Variants in HDAC9 observed in about 807,000 individuals in gnomAD.
HDAC9 encodes the protein MEF-2 interacting transcription repressor (MITR) protein.
Under a neutral mutation model 139.4 loss-of-function variants are expected in HDAC9, and 41 were observed. The ratio of observed to expected loss-of-function variants is 0.29; its 90% CI spans 0.23 to 0.38. The LOEUF is 0.38. Among genes scored for constraint, HDAC9 ranks in the 10% least tolerant of loss-of-function variants. The pLI, the probability that HDAC9 is intolerant of heterozygous loss-of-function variation, is 1.00. For synonymous variants in HDAC9, 517 were observed against 476.2 expected (o/e 1.09, Z -1.12); for missense variants, 1,147 against 1,297.0 (o/e 0.88, Z 1.78).
chr7:18,889,834 A>G (rs773108702), intron 22 of HDAC9, among the ~76,000 whole-genome samples: 94 of 152,196 alleles, frequency 6.2e-4, no homozygotes, highest in Non-Finnish European at 1.0e-3. Flanking sequence ...CATAGCTAGC[A>G]CTACCGGCCT....
chr7:18,422,157 A>T (rs577845602), intron 1 of HDAC9, among the ~76,000 whole-genome samples: 41 of 152,352 alleles, frequency 2.7e-4, no homozygotes, highest in Non-Finnish European at 5.6e-4. Flanking sequence ...CTCCAAGCAC[A>T]CTAAAGACTT....
intron 1 of HDAC9, among the ~76,000 whole-genome samples, chr7:18,120,626 AG>A (rs933560744): frequency 6.6e-6 from 1 of 152,072 alleles, no homozygotes; most frequent in African/African-American, 2.4e-5. Flanking sequence ...GAGAAAAGAC[AG>A]GGGGTTTGGA....
At chr7:18,372,710 C>G (rs1481700809) in intron 1 of HDAC9, among the ~76,000 whole-genome samples, 3 of 152,116 alleles carry the variant, frequency 2.0e-5, no homozygotes, top group Non-Finnish European at 4.4e-5. Flanking sequence ...TGTGATCTAC[C>G]AGGGTTGACA....
chr7:18,919,648 A>G lies in HDAC9; in HGVS notation c.2804-16161A>G, dbSNP rs553299292. 9.9e-5 allele frequency among the ~76,000 whole-genome samples: 15 copies of G among 152,144 alleles called. No homozygotes were observed. The South Asian group carries it at 2.9e-3, about 29-fold the overall frequency. On this transcript the variant is annotated intron_variant, in intron 22 of 25. Transcript: ENST00000686413. The stretch of plus-strand genomic sequence containing the variant: ...TTGAAAGGGAGGTGGGAGGCAGGGG[A>G]GAAGCAAAAGACCAGGATGAAATTC...
chr7:18,575,143 CT>C, intron 2 of HDAC9, among the ~76,000 whole-genome samples: 1 of 152,294 alleles, frequency 6.6e-6, no homozygotes, highest in African/African-American at 2.4e-5. Context: ...TCTTAATTTA[CT>C]TTTCCTGAAA....
chr7:18,995,914 C>G (rs1246062883), intron 25 of HDAC9, 109 bp from the exon 26 acceptor site: 3 of 756,692 alleles, frequency 4.0e-6, no homozygotes, highest in South Asian at 3.3e-5. Context: ...CTGAATAACA[C>G]AAATAAACAT....
At chr7:18,586,503 T>C (rs1012065098) in intron 3 of HDAC9, among the ~76,000 whole-genome samples, 1 of 152,156 alleles carries the variant, frequency 6.6e-6, no homozygotes, top group Non-Finnish European at 1.5e-5. Context: ...CTTTATTACT[T>C]GCATATCAAG....
At chr7:18,134,387 T>C (rs1008984207) in intron 1 of HDAC9, among the ~76,000 whole-genome samples, 3 of 152,178 alleles carry the variant, frequency 2.0e-5, no homozygotes, top group African/African-American at 7.2e-5. Flanking sequence ...AATTCCTCTA[T>C]AACTCTGATA....
chr7:18,546,318 C>T (rs979536167), intron 2 of HDAC9, among the ~76,000 whole-genome samples: 2 of 152,034 alleles, frequency 1.3e-5, no homozygotes, highest in African/African-American at 4.8e-5. Context: ...ATATATAGTC[C>T]CATGCATCTC....
intron 21 of HDAC9, among the ~76,000 whole-genome samples, chr7:18,840,080 A>G (rs1420687469): frequency 1.3e-5 from 2 of 152,092 alleles, no homozygotes; most frequent in Non-Finnish European, 2.9e-5. Context: ...CAAATGAGTG[A>G]ATGGAGGACA....
intron 1 of HDAC9, among the ~76,000 whole-genome samples, chr7:18,375,525 A>G (rs1340695937): frequency 6.6e-6 from 1 of 152,160 alleles, no homozygotes; most frequent in Non-Finnish European, 1.5e-5. Flanking sequence ...TGCGGTTGGT[A>G]TATGGTAGGC....
chr7:18,581,411 T>C (rs530887765), intron 2 of HDAC9, among the ~76,000 whole-genome samples: 1 of 152,250 alleles, frequency 6.6e-6, no homozygotes, highest in African/African-American at 2.4e-5. Context: ...TCATTTCTGT[T>C]GGGATAGCAG....
At chr7:18,605,350 C>T (rs547144653) in intron 6 of HDAC9, among the ~76,000 whole-genome samples, 3 of 152,274 alleles carry the variant, frequency 2.0e-5, no homozygotes, top group East Asian at 3.9e-4. Context: ...ACTTCTTAGC[C>T]TGTTTCCTCC....
rs575092854 is a variant in HDAC9 at position 18,104,400 on chromosome 7, G to A, written c.-97+17187G>A. Among the ~76,000 whole-genome samples the A allele has an allele frequency of 3.2e-4, 48 of 151,738 alleles. 1 individual carries two copies. Among genetic ancestry groups the A allele is most frequent in the African/African-American group, 1.1e-3 (46 of 41,360 alleles). ...TTTCAATATCTATCAGCTGAGGTGA[G>A]GAACACAATATAATTAAACTTACCT... is the stretch of plus-strand genomic sequence containing the variant. On this transcript the variant is annotated intron_variant, in intron 1 of 12. Transcript: ENST00000417496.
At chr7:18,744,953 C>T (rs1017218099) in intron 13 of HDAC9, among the ~76,000 whole-genome samples, 2 of 152,054 alleles carry the variant, frequency 1.3e-5, no homozygotes, top group African/African-American at 2.4e-5. Context: ...TTTTAAGGCT[C>T]CTTTGTGTAT....
chr7:18,403,618 T>C (rs1448659508), intron 1 of HDAC9, among the ~76,000 whole-genome samples: 3 of 152,162 alleles, frequency 2.0e-5, no homozygotes, highest in Admixed American at 1.3e-4. Context: ...AATAAATAAA[T>C]GCATAAACAA....
chr7:18,804,680 A>G (rs183257861), intron 17 of HDAC9, among the ~76,000 whole-genome samples: 8 of 152,338 alleles, frequency 5.3e-5, no homozygotes, highest in African/African-American at 1.7e-4. Context: ...CATGCATACT[A>G]TATACTGCTT....
At chr7:18,379,733 C>T (rs973490804) in intron 1 of HDAC9, among the ~76,000 whole-genome samples, 1 of 152,188 alleles carries the variant, frequency 6.6e-6, no homozygotes, top group Non-Finnish European at 1.5e-5. Context: ...GGATTGTTGT[C>T]TGACTTCATT....
At chr7:18,946,036 C>CAAAAAAAAAAAAAAAAAAAAAAA (rs1171055959) in intron 23 of HDAC9, among the ~76,000 whole-genome samples, 1 of 38,276 alleles carries the variant, frequency 2.6e-5, no homozygotes, top group African/African-American at 7.4e-5. Flanking sequence ...GACTCCGTCT[C>CAAAAAAAAAAAAAAAAAAAAAAA]AAAAAAAAAA....
Sources: gnomAD v4.1 joint callset for allele counts (sites outside exome capture counted in the v4.1 genomes callset) on GRCh38, gnomAD v4.1.1 for gene constraint, MANE v1.5 for transcripts, NCBI Gene and HGNC (gene_info 2026-07-23, HGNC 2026-07-21) for gene names.